The following ADGRE2 variants were observed in gnomAD, a reference collection of about 807,000 sequenced individuals.
ADGRE2 encodes CD97 antigen.
A neutral mutation model predicts 100.8 loss-of-function variants in ADGRE2; 83 were observed. That is an observed-to-expected ratio of 0.82 (90% CI 0.69 to 0.99). ADGRE2 has a LOEUF of 0.99. ADGRE2 is among the 50% of genes least tolerant of loss of function. The probability of loss-of-function intolerance (pLI) is 0.00; values close to 1 mark genes in which losing one functional copy is unlikely to be tolerated. For missense variants in ADGRE2, 814 were observed against 1,035.7 expected (o/e 0.79, Z 2.94); for synonymous variants, 355 against 413.0 (o/e 0.86, Z 1.70).
At chr19:14,737,001 A>C (rs2042778195) in intron 20 of ADGRE2, among the ~76,000 whole-genome samples, 1 of 148,822 alleles carries the variant, frequency 6.7e-6, no homozygotes, top group African/African-American at 2.4e-5. Context: ...AATTAGTTAA[A>C]TAAGTAGATT....
intron 5 of ADGRE2, among the ~76,000 whole-genome samples, chr19:14,771,536 A>C (rs1484137050): frequency 1.3e-5 from 2 of 152,320 alleles, no homozygotes; most frequent in Non-Finnish European, 1.5e-5. Context: ...GGCTGTGTCG[A>C]AATAGATTTC....
chr19:14,762,137 A>T (rs746112931), intron 11 of ADGRE2, among the ~76,000 whole-genome samples: 6 of 152,118 alleles, frequency 3.9e-5, no homozygotes, highest in Admixed American at 3.9e-4. Flanking sequence ...GGCCATGGTC[A>T]GTCATACATT....
At chr19:14,743,901 T>A in intron 18 of ADGRE2, 117 bp from the exon 19 acceptor site, 1 of 957,420 alleles carries the variant, frequency 1.0e-6, no homozygotes. Context: ...CAGACTGGGC[T>A]GTGGTCAGCT....
At chr19:14,743,127 T>TG (rs1289609145) in intron 20 of ADGRE2, among the ~76,000 whole-genome samples, 1 of 151,966 alleles carries the variant, frequency 6.6e-6, no homozygotes, top group African/African-American at 2.4e-5. Context: ...TTTGTAGAGA[T>TG]GGGATCTTGC....
chr19:14,765,407 G>A lies in ADGRE2; in HGVS notation c.829-10C>T, dbSNP rs1369792161. On this transcript the variant is annotated splice_polypyrimidine_tract_variant and intron_variant, in intron 9 of 20. Transcript: ENST00000315576. ...AGAATCGGGAAAGCGTCTGCAGAGA[G>A]AGGAGATGTGGGGGTCAGAGAGCCT... is the stretch of plus-strand genomic sequence containing the variant. 12 of 1,614,220 alleles carry A rather than the reference G, an allele frequency of 7.4e-6. No homozygotes were observed. Among genetic ancestry groups the A allele is most frequent in the African/African-American group, 1.3e-5 (1 of 75,080 alleles).
chr19:14,743,600 A>C lies in ADGRE2; in HGVS notation c.2352+16T>G. The C allele has an allele frequency of 6.2e-7, 1 of 1,614,076 alleles. No individual in the cohort carries two copies. Among genetic ancestry groups the C allele is most frequent in the Non-Finnish European group, 8.5e-7 (1 of 1,179,984 alleles). ...GAGGACAGGAAGAGTCCTGGGTGGG[A>C]GCTGGGCAGTGGTACCTGCTGGCTG... On this transcript the variant is annotated intron_variant, in intron 19 of 20. Transcript: ENST00000315576.
intron 11 of ADGRE2, among the ~76,000 whole-genome samples, chr19:14,763,911 C>G (rs375992966): frequency 7.2e-6 from 1 of 139,742 alleles, no homozygotes; most frequent in African/African-American, 2.7e-5. Context: ...CTCCCATCCT[C>G]TTTCCTCCTC....
intron 11 of ADGRE2, among the ~76,000 whole-genome samples, chr19:14,757,233 T>TA (rs1338749599): frequency 6.6e-6 from 1 of 152,200 alleles, no homozygotes; most frequent in Non-Finnish European, 1.5e-5. Context: ...AGGCCCTCTC[T>TA]AAATGGAAAG....
At position 14,774,262 on chromosome 19, in the gene ADGRE2, A is replaced by T; in HGVS notation, c.76T>A (p.Ser26Thr). The change falls in exon 3 of 21, where the codon TCC becomes ACC. Residue 26 changes from serine to threonine, a missense_variant. Ser to Thr is a moderately conservative substitution (Grantham distance 58). Around this residue, in one of 5 missense-constraint regions of ADGRE2, gnomAD observed 143 missense variants for 160.3 expected, o/e 0.89. Transcript: ENST00000315576. ...LTLPGAETQD[S>T]RGCARWCPQD... Reference sequence around the variant, plus strand: ...TGCTTCCCAGCAGACTCACCCCTGGAGTCCTGGGTTTCAGCTCCCGGCAGA... The same window carrying T: ...TGCTTCCCAGCAGACTCACCCCTGGTGTCCTGGGTTTCAGCTCCCGGCAGA... 1 of 1,576,888 alleles carries T rather than the reference A, an allele frequency of 6.3e-7. No individual in the cohort carries two copies. The highest frequency in any genetic ancestry group is 2.3e-5 in the East Asian group (1 of 43,958).
In ADGRE2 at chr19:14,767,040, C is replaced by G; in HGVS notation, c.425G>C (p.Ser142Thr). Residue 142 changes from serine (S) to threonine (T), a missense_variant, in exon 6 of 21, where the codon AGC becomes ACC. By Grantham distance (58) the Ser-to-Thr change is moderately conservative (BLOSUM62 1). This residue lies in a region of ADGRE2 where 14 missense variants were observed against 42.6 expected (regional missense o/e 0.33). Transcript: ENST00000315576. ...GCCAGGCAGGCACTGGCACGTGTAG[C>G]TGCCGAGGGTGTTGACGCAGGTGCC... Reference protein sequence around the residue: ...SYGTCVNTLGSYTCQCLPGFK... With the variant: ...SYGTCVNTLGTYTCQCLPGFK... 8.5e-7 allele frequency: 1 copy of G among 1,172,208 alleles called. No homozygotes were observed. Among genetic ancestry groups the G allele is most frequent in the East Asian group, 2.9e-5 (1 of 34,990 alleles). The allele number at this position is 1,172,208 out of a possible 1,614,324, so 72.6% of individuals were successfully genotyped here.
At chr19:14,777,784 G>A (rs1306124274) in intron 1 of ADGRE2, among the ~76,000 whole-genome samples, 1 of 151,864 alleles carries the variant, frequency 6.6e-6, no homozygotes, top group African/African-American at 2.4e-5. Flanking sequence ...TGAGAATGAT[G>A]GTTTTCAGCT....
chr19:14,746,372 T>G (rs750803939), intron 17 of ADGRE2, 49 bp from the exon 18 acceptor site: 3 of 978,462 alleles, frequency 3.1e-6, no homozygotes, highest in Non-Finnish European at 4.6e-6. Flanking sequence ...AAACCTGTTA[T>G]CTCTTTTTTT....
At chr19:14,726,252 G>A in the ADGRE2 span, among the ~76,000 whole-genome samples, 25 of 152,304 alleles carry the variant, frequency 1.6e-4, 1 homozygote, top group Non-Finnish European at 2.2e-4. Context: ...ACAGGGCAGC[G>A]GGGCCCTGGA....
chr19:14,755,951 G>T, intron 12 of ADGRE2, 74 bp from the exon 13 acceptor site: 2 of 1,300,014 alleles, frequency 1.5e-6, no homozygotes, highest in Non-Finnish European at 2.2e-6. Flanking sequence ...CCTCTGCCCT[G>T]CACAGAACTT....
rs762933039 is a variant in ADGRE2, at chr19:14,756,267, C to T, written c.1163G>A (p.Trp388Ter). The change falls in exon 12 of 21, where the codon TGG (tryptophan) becomes TAG (stop). Residue 388 changes from tryptophan to a stop codon, truncating the protein, a stop_gained. Transcript: ENST00000315576. LOFTEE classifies it high-confidence loss of function. ...RQNQAVMQLD[W>*]NQAQKSGDPG... is the part of the protein sequence containing the mutation. The stretch of plus-strand genomic sequence containing the variant: ...GTCACCAGATTTCTGTGCCTGATTC[C>T]AGTCGAGCTGCATCACTGCCTGATT... 1.4e-5 allele frequency: 22 copies of T among 1,613,970 alleles called. No homozygotes were observed. Among genetic ancestry groups the T allele is most frequent in the East Asian group, 2.2e-5 (1 of 44,904 alleles).
chr19:14,760,720 C>A (rs1013340966), intron 11 of ADGRE2, among the ~76,000 whole-genome samples: 10 of 152,106 alleles, frequency 6.6e-5, no homozygotes, highest in Non-Finnish European at 1.3e-4. Context: ...AAGACTAGTT[C>A]AGGCTATGGT....
intron 5 of ADGRE2, 131 bp from the exon 6 acceptor site, chr19:14,767,240 TTC>T: frequency 6.9e-7 from 1 of 1,450,764 alleles, no homozygotes. Flanking sequence ...TTTTCTTTCT[TTC>T]TTTTTTTTTT....
chr19:14,763,365 CAAAACAAACA>C (rs1196757320), intron 11 of ADGRE2, among the ~76,000 whole-genome samples: 3 of 151,502 alleles, frequency 2.0e-5, no homozygotes, highest in Non-Finnish European at 2.9e-5. Flanking sequence ...CAAAACAAAA[CAAAACAAACA>C]AAAACAAACA....
chr19:14,766,807 C>A lies in ADGRE2; in HGVS notation c.487+171G>T, dbSNP rs139370191. 1.9e-3 allele frequency among the ~76,000 whole-genome samples: 282 copies of A among 152,340 alleles called. 1 individual carries two copies. The highest frequency in any genetic ancestry group is 6.3e-3 in the African/African-American group (260 of 41,572). On this transcript the variant is annotated intron_variant, in intron 6 of 20. Transcript: ENST00000315576. ...CCTGAAGGCCCTGCCGCCTCCCTGCCGTGTGGCGAGTCCTTCCTGGGAGGT... is the reference window on the plus strand; with the variant it reads ...CCTGAAGGCCCTGCCGCCTCCCTGCAGTGTGGCGAGTCCTTCCTGGGAGGT...
Sources: allele counts gnomAD v4.1 joint callset (sites outside exome capture counted in the v4.1 genomes callset), GRCh38; gene constraint gnomAD v4.1.1; regional missense constraint gnomAD v4.1.1; transcripts MANE v1.5; gene names NCBI Gene and HGNC (gene_info 2026-07-23, HGNC 2026-07-21).